ZMAT4: variants seen among roughly 807,000 people sequenced by gnomAD.
ZMAT4 encodes zinc finger matrin-type protein 4.
Under a neutral mutation model 28.7 loss-of-function variants are expected in ZMAT4, and 17 were observed. The ratio of observed to expected loss-of-function variants is 0.59; its 90% CI spans 0.41 to 0.89. The LOEUF (loss-of-function observed/expected upper bound fraction) is 0.89, where lower values mean the gene tolerates loss of function less well. ZMAT4 is among the 40% of genes least tolerant of loss of function. ZMAT4 has a pLI of 0.00. For missense variants in ZMAT4, 240 were observed against 283.8 expected, an observed-to-expected ratio of 0.85 and a Z score of 1.11; for synonymous variants, 117 against 109.2, an observed-to-expected ratio of 1.07 and a Z score of -0.44.
At chr8:40,859,474 GCA>G (rs757107216) in intron 1 of ZMAT4, among the ~76,000 whole-genome samples, 1 of 120,358 alleles carries the variant, frequency 8.3e-6, no homozygotes, top group Admixed American at 7.8e-5. Flanking sequence ...ACACACACAT[GCA>G]CACACACACA....
At chr8:40,663,870 A>G (rs1198025596) in intron 5 of ZMAT4, among the ~76,000 whole-genome samples, 7 of 152,208 alleles carry the variant, frequency 4.6e-5, no homozygotes, top group African/African-American at 1.7e-4. Flanking sequence ...GCTTTCAGAG[A>G]TTGAAAATAT....
rs190844423 is a variant in ZMAT4 at position 40,678,032 on chromosome 8, T to C, written c.350-3101A>G. On this transcript the variant is annotated intron_variant, in intron 4 of 6. Coordinates refer to ENST00000297737, the MANE Select transcript of ZMAT4 (RefSeq NM_024645.3). ...GTGGGAAGCAAGCATCAGGATGTTTTTAAAACCTCCCTCCTCCCACAGCCT... is the reference window on the plus strand; with the variant it reads ...GTGGGAAGCAAGCATCAGGATGTTTCTAAAACCTCCCTCCTCCCACAGCCT... Among the ~76,000 whole-genome samples, 110 of 152,244 alleles carry C rather than the reference T, an allele frequency of 7.2e-4. 1 individual carries two copies. Among genetic ancestry groups the C allele is most frequent in the African/African-American group, 2.6e-3 (106 of 41,550 alleles).
intron 3 of ZMAT4, among the ~76,000 whole-genome samples, chr8:40,757,409 C>T (rs928535783): frequency 9.9e-5 from 15 of 151,958 alleles, no homozygotes; most frequent in African/African-American, 3.6e-4. Flanking sequence ...TGTCAAATGA[C>T]CTCCAAGATG....
At chr8:40,574,277 G>A (rs1052407041) in intron 6 of ZMAT4, among the ~76,000 whole-genome samples, 4 of 151,846 alleles carry the variant, frequency 2.6e-5, no homozygotes, top group Non-Finnish European at 4.4e-5. Context: ...TAATACTAGG[G>A]AAAAAGAAAA....
At chr8:40,558,246 A>G (rs1024840725) in intron 6 of ZMAT4, among the ~76,000 whole-genome samples, 1 of 152,156 alleles carries the variant, frequency 6.6e-6, no homozygotes, top group Non-Finnish European at 1.5e-5. Flanking sequence ...TCTTCTGAGT[A>G]CAATGGGAAG....
At chr8:40,690,104 C>T (rs1289564095) in intron 4 of ZMAT4, among the ~76,000 whole-genome samples, 1 of 152,106 alleles carries the variant, frequency 6.6e-6, no homozygotes, top group Admixed American at 6.5e-5. Flanking sequence ...TATGACCCAG[C>T]GCAGAAAAAT....
At chr8:40,872,210 T>C (rs1753718275) in intron 1 of ZMAT4, among the ~76,000 whole-genome samples, 1 of 152,204 alleles carries the variant, frequency 6.6e-6, no homozygotes, top group South Asian at 2.1e-4. Flanking sequence ...CACATGTGCA[T>C]GCACACACGC....
chr8:40,710,609 C>T (rs1258392177), intron 3 of ZMAT4, among the ~76,000 whole-genome samples: 1 of 151,342 alleles, frequency 6.6e-6, no homozygotes, highest in Non-Finnish European at 1.5e-5. Context: ...GAAACCCAGC[C>T]TTTTGTGGGG....
intron 2 of ZMAT4, among the ~76,000 whole-genome samples, chr8:40,817,586 T>C (rs2150602273): frequency 6.6e-6 from 1 of 152,340 alleles, no homozygotes; most frequent in East Asian, 1.9e-4. Context: ...ATTCTTCTTT[T>C]TTCTGGTTGA....
intron 6 of ZMAT4, among the ~76,000 whole-genome samples, chr8:40,542,356 C>A (rs552922480): frequency 6.2e-4 from 95 of 152,010 alleles, no homozygotes; most frequent in African/African-American, 2.2e-3. Context: ...TATGATCATC[C>A]GATTTTTAAT....
At chr8:40,806,136 T>C (rs1815076182) in intron 2 of ZMAT4, among the ~76,000 whole-genome samples, 1 of 152,198 alleles carries the variant, frequency 6.6e-6, no homozygotes, top group Admixed American at 6.5e-5. Context: ...GGTAAAGGTC[T>C]AAAAGAATTT....
At chr8:40,603,898 G>A (rs1380555069) in intron 5 of ZMAT4, among the ~76,000 whole-genome samples, 2 of 152,150 alleles carry the variant, frequency 1.3e-5, no homozygotes, top group African/African-American at 4.8e-5. Context: ...TCAATCAGCA[G>A]TGTTTTGTAG....
chr8:40,556,480 C>T (rs1803541301), intron 6 of ZMAT4, among the ~76,000 whole-genome samples: 1 of 152,136 alleles, frequency 6.6e-6, no homozygotes, highest in Admixed American at 6.6e-5. Context: ...CTCTCTCCAA[C>T]TTAACAGTGT....
chr8:40,812,705 C>T (rs1017335838), intron 2 of ZMAT4, among the ~76,000 whole-genome samples: 11 of 151,994 alleles, frequency 7.2e-5, no homozygotes, highest in African/African-American at 1.4e-4. Flanking sequence ...CCGAGGCGGG[C>T]GGATCACCTG....
At chr8:40,611,601 A>G (rs367994759) in intron 5 of ZMAT4, among the ~76,000 whole-genome samples, 4 of 152,140 alleles carry the variant, frequency 2.6e-5, no homozygotes, top group African/African-American at 9.7e-5. Flanking sequence ...CAGCCTCCCA[A>G]AGTGCTGGGA....
rs79308823 is a variant in ZMAT4, at chr8:40,549,504, G to A, written c.675-17266C>T. ...ACTAGTTTTCCCCCAAACCAGTGTC[G>A]CTTCATGCAATCTTTTGATGAGAGA... is the stretch of plus-strand genomic sequence containing the variant. On this transcript the variant is annotated intron_variant, in intron 6 of 6. Transcript: ENST00000297737. Among the ~76,000 whole-genome samples, 1,410 of 152,208 alleles carry A rather than the reference G, an allele frequency of 9.3e-3. 21 individuals carry two copies. The highest frequency in any genetic ancestry group is 0.031 in the African/African-American group (1,308 of 41,536).
intron 4 of ZMAT4, among the ~76,000 whole-genome samples, chr8:40,693,867 G>C (rs968961589): frequency 6.6e-6 from 1 of 152,196 alleles, no homozygotes; most frequent in Non-Finnish European, 1.5e-5. Context: ...GGGGTGGAAA[G>C]GTAGTGATTC....
At chr8:40,624,767 G>C (rs1338602586) in intron 5 of ZMAT4, among the ~76,000 whole-genome samples, 1 of 152,116 alleles carries the variant, frequency 6.6e-6, no homozygotes, top group Non-Finnish European at 1.5e-5. Flanking sequence ...AGCAAAAAGA[G>C]CTGGTCAAGC....
chr8:40,740,263 A>T (rs1409270620), intron 3 of ZMAT4, among the ~76,000 whole-genome samples: 2 of 152,208 alleles, frequency 1.3e-5, no homozygotes, highest in Non-Finnish European at 2.9e-5. Flanking sequence ...ACCAACATAC[A>T]AAAGTGTTCC....
Sources: allele counts gnomAD v4.1 joint callset (sites outside exome capture counted in the v4.1 genomes callset), GRCh38; gene constraint gnomAD v4.1.1; transcripts MANE v1.5; gene names NCBI Gene and HGNC (gene_info 2026-07-23, HGNC 2026-07-21).